Variants in TVP23B observed in about 807,000 individuals in gnomAD.
The protein encoded by TVP23B is trans-golgi network vesicle protein 23 homolog B.
Under a neutral mutation model 30.6 loss-of-function variants are expected in TVP23B, and 10 were observed. That is an observed-to-expected ratio of 0.33 (90% CI 0.20 to 0.55). TVP23B has a LOEUF of 0.55. Among genes scored for constraint, TVP23B ranks in the 20% least tolerant of loss-of-function variants. The pLI is 0.91. For missense variants in TVP23B, 153 were observed against 243.2 expected (o/e 0.63, Z 2.47); for synonymous variants, 67 against 83.1 (o/e 0.81, Z 1.06).
chr17:18,804,679 C>A (rs192606408), intron 6 of TVP23B: 4 of 716,194 alleles, frequency 5.6e-6, no homozygotes, highest in Non-Finnish European at 3.5e-6. Context: ...ACCTCTGCCC[C>A]CCGGGTTCAT....
intron 1 of TVP23B, among the ~76,000 whole-genome samples, chr17:18,785,885 C>T (rs556249897): frequency 3.2e-4 from 49 of 151,784 alleles, no homozygotes; most frequent in Non-Finnish European, 5.7e-4. Context: ...GTATAAATTT[C>T]CTGTTGCTAC....
At chr17:18,789,158 C>T (rs1390167467) in intron 1 of TVP23B, 195 bp from the exon 2 acceptor site, 3 of 827,818 alleles carry the variant, frequency 3.6e-6, no homozygotes, top group Non-Finnish European at 5.5e-6. Flanking sequence ...TTCGATTATT[C>T]TCTGGGTTTT....
intron 2 of TVP23B, 28 bp downstream of exon 2, chr17:18,789,463 T>A (rs751767902): frequency 1.2e-6 from 2 of 1,613,774 alleles, no homozygotes; most frequent in African/African-American, 2.7e-5. Context: ...GCATGAGCTG[T>A]GTTAGTGTCC....
At chr17:18,792,810 A>G (rs1206506724) in intron 3 of TVP23B, among the ~76,000 whole-genome samples, 1 of 152,206 alleles carries the variant, frequency 6.6e-6, no homozygotes, top group Non-Finnish European at 1.5e-5. Context: ...TTAAGAAGTC[A>G]AGAATAGGGA....
intron 3 of TVP23B, among the ~76,000 whole-genome samples, chr17:18,792,115 C>T (rs981572497): frequency 4.5e-4 from 68 of 151,830 alleles, no homozygotes; most frequent in Non-Finnish European, 8.5e-4. Context: ...CTCACCGCAA[C>T]CTCTGCCTCC....
chr17:18,787,969 A>G (rs2035933443), intron 1 of TVP23B, among the ~76,000 whole-genome samples: 1 of 152,170 alleles, frequency 6.6e-6, no homozygotes, highest in Admixed American at 6.5e-5. Flanking sequence ...GAGTGCCACT[A>G]GGAGAGGAAC....
At chr17:18,781,543 C>T in intron 1 of TVP23B, 1 of 615,580 alleles carries the variant, frequency 1.6e-6, no homozygotes, top group Admixed American at 3.4e-5. Flanking sequence ...TGTGGGGACG[C>T]CCATTGTTAA....
chr17:18,805,486 G>A (rs1378058430), intron 6 of TVP23B, 55 bp from the exon 7 acceptor site: 1 of 1,599,958 alleles, frequency 6.3e-7, no homozygotes, highest in East Asian at 2.2e-5. Flanking sequence ...AGTCCATGGT[G>A]TGTGAAGTGA....
chr17:18,802,392 G>A (rs550195505), intron 5 of TVP23B, among the ~76,000 whole-genome samples: 85 of 152,110 alleles, frequency 5.6e-4, no homozygotes, highest in Non-Finnish European at 9.6e-4. Context: ...TTCCCACCCG[G>A]TGGCACCACT....
At chr17:18,800,812 A>G (rs569249836) in intron 5 of TVP23B, among the ~76,000 whole-genome samples, 250 of 152,290 alleles carry the variant, frequency 1.6e-3, no homozygotes, top group Middle Eastern at 3.4e-3. Flanking sequence ...ATTTTGAAGT[A>G]CCAGTTACGT....
chr17:18,783,553 C>G (rs1385344868), intron 1 of TVP23B, among the ~76,000 whole-genome samples: 1 of 152,162 alleles, frequency 6.6e-6, no homozygotes, highest in African/African-American at 2.4e-5. Context: ...TTCTCTTATC[C>G]TCTCTCAGCT....
At chr17:18,800,796 C>T (rs549306612) in intron 5 of TVP23B, among the ~76,000 whole-genome samples, 1 of 152,216 alleles carries the variant, frequency 6.6e-6, no homozygotes, top group African/African-American at 2.4e-5. Flanking sequence ...TATGGTTTGA[C>T]CTTTCATTTT....
At chr17:18,784,466 GA>G (rs1246215465) in intron 1 of TVP23B, among the ~76,000 whole-genome samples, 1 of 152,110 alleles carries the variant, frequency 6.6e-6, no homozygotes, top group Admixed American at 6.5e-5. Context: ...CCAACATGGT[GA>G]AACCCCGTCT....
At chr17:18,787,584 TA>T (rs960425130) in intron 1 of TVP23B, among the ~76,000 whole-genome samples, 1 of 152,088 alleles carries the variant, frequency 6.6e-6, no homozygotes, top group Non-Finnish European at 1.5e-5. Context: ...GTATTTGAGC[TA>T]AAAAACTTGA....
chr17:18,791,991 A>G (rs934906456), intron 3 of TVP23B, among the ~76,000 whole-genome samples: 2 of 152,220 alleles, frequency 1.3e-5, no homozygotes, highest in Non-Finnish European at 2.9e-5. Flanking sequence ...GTAAGATGTT[A>G]CAACCCTATT....
chr17:18,805,127 C>T (rs1322687841), intron 6 of TVP23B, among the ~76,000 whole-genome samples: 4 of 134,240 alleles, frequency 3.0e-5, no homozygotes, highest in African/African-American at 1.1e-4. Context: ...CTCGCTCTGT[C>T]GCCCAGGCTG....
At chr17:18,788,789 C>G (rs2035949252) in intron 1 of TVP23B, among the ~76,000 whole-genome samples, 1 of 151,874 alleles carries the variant, frequency 6.6e-6, no homozygotes, top group African/African-American at 2.4e-5. Context: ...TCAACAACAA[C>G]AAAAAAGAAA....
chr17:18,793,609 A>T (rs184029351), intron 3 of TVP23B, among the ~76,000 whole-genome samples: 95 of 150,702 alleles, frequency 6.3e-4, no homozygotes, highest in Admixed American at 1.4e-3. Context: ...AAAAAAAAAA[A>T]AAATAATGGC....
chr17:18,806,034 A>G lies in TVP23B; in HGVS notation c.*467A>G. On this transcript the variant is annotated 3_prime_UTR_variant, in exon 7 of 7. Coordinates refer to ENST00000307767, the MANE Select transcript of TVP23B (RefSeq NM_016078.6). ...ATGGTAAGAGTGAGCACTTTGGCTT[A>G]TGTATAAGTTAGAAATAATTGTTAG... The G allele has an allele frequency of 1.0e-6, 1 of 974,794 alleles. No homozygotes were observed. The highest frequency in any genetic ancestry group is 1.2e-6 in the Non-Finnish European group (1 of 820,056). The allele number at this position is 974,794 out of a possible 1,614,324, so 60.4% of individuals were successfully genotyped here.
Sources: allele counts gnomAD v4.1 joint callset (sites outside exome capture counted in the v4.1 genomes callset), GRCh38; gene constraint gnomAD v4.1.1; transcripts MANE v1.5; gene names NCBI Gene and HGNC (gene_info 2026-07-23, HGNC 2026-07-21).